The following AUTS2 variants were observed in gnomAD, a reference collection of about 807,000 sequenced individuals.
AUTS2 encodes the protein autism susceptibility gene 2 protein.
AUTS2 carries 17 observed loss-of-function variants against 112.4 expected under a neutral mutation model. The observed-to-expected ratio is 0.15, with a 90% CI of 0.10 to 0.23. AUTS2 has a LOEUF of 0.23. AUTS2 is among the 10% of genes least tolerant of loss of function. The pLI is 1.00. For synonymous variants in AUTS2, 751 were observed against 702.7 expected (o/e 1.07, Z -1.09); for missense variants, 1,510 against 1,701.6 (o/e 0.89, Z 1.98).
At chr7:70,602,025 C>T (rs1217449522) in intron 5 of AUTS2, among the ~76,000 whole-genome samples, 1 of 152,116 alleles carries the variant, frequency 6.6e-6, no homozygotes, top group Non-Finnish European at 1.5e-5. Context: ...GTGCCATGTC[C>T]ATCCCAACCC....
chr7:70,676,144 G>T (rs568294674), intron 5 of AUTS2, among the ~76,000 whole-genome samples: 2 of 152,136 alleles, frequency 1.3e-5, no homozygotes, highest in African/African-American at 2.4e-5. Flanking sequence ...AGAAGAAGAA[G>T]AAGAATAAGA....
intron 5 of AUTS2, among the ~76,000 whole-genome samples, chr7:70,543,158 G>A (rs992711706): frequency 1.3e-5 from 2 of 152,144 alleles, no homozygotes; most frequent in Non-Finnish European, 2.9e-5. Flanking sequence ...TAAAGTTTTA[G>A]ATGGACTTTG....
intron 1 of AUTS2, among the ~76,000 whole-genome samples, chr7:69,896,613 A>G (rs1332361177): frequency 2.6e-5 from 4 of 151,646 alleles, no homozygotes; most frequent in African/African-American, 9.7e-5. Context: ...AGACTATTTT[A>G]AAGTCAGTAT....
chr7:70,700,389 A>G (rs772013168), intron 6 of AUTS2, among the ~76,000 whole-genome samples: 2 of 152,204 alleles, frequency 1.3e-5, no homozygotes, highest in Non-Finnish European at 2.9e-5. Context: ...ATACACAAAT[A>G]AGCATTTTAG....
intron 5 of AUTS2, among the ~76,000 whole-genome samples, chr7:70,481,469 G>A (rs976683277): frequency 2.0e-5 from 3 of 152,154 alleles, no homozygotes; most frequent in Non-Finnish European, 4.4e-5. Flanking sequence ...AGCCAGTGCA[G>A]CAGTCAAGGG....
intron 4 of AUTS2, among the ~76,000 whole-genome samples, chr7:70,344,069 A>T (rs1283264693): frequency 2.6e-5 from 4 of 152,162 alleles, no homozygotes; most frequent in Admixed American, 2.0e-4. Context: ...AGGGTCGTGC[A>T]GGTTCAGGAT....
chr7:69,856,508 A>G (rs1467329439), intron 1 of AUTS2, among the ~76,000 whole-genome samples: 9 of 152,126 alleles, frequency 5.9e-5, no homozygotes, highest in African/African-American at 1.7e-4. Context: ...TTTTTTTAGT[A>G]TTATAAACAG....
At chr7:70,455,802 G>T (rs966310593) in intron 5 of AUTS2, among the ~76,000 whole-genome samples, 6 of 152,228 alleles carry the variant, frequency 3.9e-5, no homozygotes, top group African/African-American at 1.2e-4. Context: ...TTAAAAAAAA[G>T]AAGTTTCCAG....
chr7:70,624,646 C>T (rs761858757), intron 5 of AUTS2, among the ~76,000 whole-genome samples: 23 of 152,142 alleles, frequency 1.5e-4, no homozygotes, highest in Non-Finnish European at 3.1e-4. Context: ...TCATACCCTC[C>T]TGAGTATCTA....
intron 1 of AUTS2, among the ~76,000 whole-genome samples, chr7:69,845,330 G>A (rs983970207): frequency 2.6e-5 from 4 of 152,060 alleles, no homozygotes; most frequent in Admixed American, 6.6e-5. Flanking sequence ...TTACCACTCC[G>A]TTATCCCTGC....
intron 5 of AUTS2, among the ~76,000 whole-genome samples, chr7:70,504,306 G>C (rs1798880820): frequency 6.6e-6 from 1 of 151,734 alleles, no homozygotes; most frequent in Non-Finnish European, 1.5e-5. Flanking sequence ...ATGGGGAAAG[G>C]GCAGCCACCG....
chr7:70,347,645 C>T (rs73173550), intron 4 of AUTS2, among the ~76,000 whole-genome samples: 13,060 of 152,212 alleles, frequency 0.086, 761 homozygotes, highest in African/African-American at 0.16. Context: ...GTCCTGGGGA[C>T]TCCACCTCAT....
chr7:69,720,506 A>C (rs1459048462), intron 1 of AUTS2, among the ~76,000 whole-genome samples: 1 of 152,184 alleles, frequency 6.6e-6, no homozygotes, highest in Non-Finnish European at 1.5e-5. Context: ...ATTTCTAGTA[A>C]TGCTATTATG....
intron 5 of AUTS2, among the ~76,000 whole-genome samples, chr7:70,636,981 A>G (rs576627003): frequency 3.9e-5 from 6 of 152,300 alleles, no homozygotes; most frequent in African/African-American, 1.4e-4. Context: ...TGCATGTAAG[A>G]TGGCATTGTT....
At chr7:70,716,636 CA>C (rs34972760) in intron 6 of AUTS2, among the ~76,000 whole-genome samples, 410 of 64,858 alleles carry the variant, frequency 6.3e-3, no homozygotes, top group Non-Finnish European at 8.8e-3. Context: ...GACTCCGTCT[CA>C]AAAAAAAAAA....
intron 1 of AUTS2, among the ~76,000 whole-genome samples, chr7:69,650,148 T>C (rs1311396659): frequency 6.6e-6 from 1 of 152,204 alleles, no homozygotes; most frequent in East Asian, 1.9e-4. Flanking sequence ...CTTATTAAAT[T>C]GGGCTATTCC....
intron 5 of AUTS2, among the ~76,000 whole-genome samples, chr7:70,472,356 G>A (rs1258073676): frequency 7.3e-6 from 1 of 137,828 alleles, no homozygotes; most frequent in Non-Finnish European, 1.5e-5. Flanking sequence ...TGGGGCTTCT[G>A]TTTTGGGGTG....
intron 5 of AUTS2, among the ~76,000 whole-genome samples, chr7:70,595,123 A>C (rs989704358): frequency 4.6e-5 from 7 of 151,766 alleles, no homozygotes; most frequent in African/African-American, 9.7e-5. Flanking sequence ...AATTATTACC[A>C]GCTGCTTTGT....
intron 4 of AUTS2, among the ~76,000 whole-genome samples, chr7:70,146,785 T>C (rs1397885636): frequency 6.6e-6 from 1 of 152,148 alleles, no homozygotes; most frequent in Non-Finnish European, 1.5e-5. Context: ...TAGTTTCAAA[T>C]CATGAAAACT....
Sources: gnomAD v4.1 joint callset for allele counts (sites outside exome capture counted in the v4.1 genomes callset) on GRCh38, gnomAD v4.1.1 for gene constraint, MANE v1.5 for transcripts, NCBI Gene and HGNC (gene_info 2026-07-23, HGNC 2026-07-21) for gene names.